PRKN: variants seen among roughly 807,000 people sequenced by gnomAD.
PRKN encodes parkin RBR E3 ubiquitin protein ligase.
In PRKN, 56 loss-of-function variants were observed where a neutral mutation model predicts 59.5. The observed-to-expected ratio is 0.94, with a 90% CI of 0.76 to 1.18. The LOEUF is 1.18. Among genes scored for constraint, PRKN ranks in the 50% most tolerant of loss-of-function variants. The pLI, the probability that PRKN is intolerant of heterozygous loss-of-function variation, is 0.00. For missense variants in PRKN, 657 were observed against 596.4 expected, an observed-to-expected ratio of 1.10 and a Z score of -1.06; for synonymous variants, 250 against 222.1, an observed-to-expected ratio of 1.13 and a Z score of -1.12.
intron 5 of PRKN, among the ~76,000 whole-genome samples, chr6:161,997,501 G>A (rs6455791): frequency 0.52 from 79,295 of 151,714 alleles, 20,908 homozygotes; most frequent in East Asian, 0.6. Flanking sequence ...CTTTTCCCCA[G>A]TCACCTAACT....
chr6:162,699,201 T>C (rs561018459), intron 1 of PRKN, among the ~76,000 whole-genome samples: 1 of 152,318 alleles, frequency 6.6e-6, no homozygotes, highest in Non-Finnish European at 1.5e-5. Flanking sequence ...CTTATGGTGA[T>C]GAGCAAAGTG....
intron 1 of PRKN, among the ~76,000 whole-genome samples, chr6:162,684,494 T>C (rs545275960): frequency 6.6e-6 from 1 of 152,270 alleles, no homozygotes; most frequent in African/African-American, 2.4e-5. Context: ...ACAGCATAAG[T>C]TGAATGACAA....
At chr6:162,214,391 T>C (rs1483782981) in intron 3 of PRKN, among the ~76,000 whole-genome samples, 1 of 152,140 alleles carries the variant, frequency 6.6e-6, no homozygotes, top group Non-Finnish European at 1.5e-5. Context: ...GGTTGGATGG[T>C]TCTCTCTGTG....
chr6:162,574,717 A>G (rs1583834406), intron 1 of PRKN, among the ~76,000 whole-genome samples: 2 of 152,158 alleles, frequency 1.3e-5, no homozygotes, highest in African/African-American at 4.8e-5. Flanking sequence ...TCCTCTATCA[A>G]TAAGACATAT....
intron 1 of PRKN, among the ~76,000 whole-genome samples, chr6:162,479,621 AC>A (rs1238635428): frequency 1.3e-5 from 2 of 152,018 alleles, no homozygotes; most frequent in African/African-American, 4.8e-5. Flanking sequence ...ACTGTCTCCC[AC>A]CTCCACTCAC....
At chr6:162,661,604 GCTCT>G (rs1778884200) in intron 1 of PRKN, among the ~76,000 whole-genome samples, 1 of 152,112 alleles carries the variant, frequency 6.6e-6, no homozygotes, top group African/African-American at 2.4e-5. Flanking sequence ...TCTAAACTCT[GCTCT>G]CTAACACTTG....
intron 2 of PRKN, among the ~76,000 whole-genome samples, chr6:162,352,228 CA>C (rs746510451): frequency 3.0e-4 from 45 of 152,290 alleles, no homozygotes; most frequent in Non-Finnish European, 3.4e-4. Flanking sequence ...CAGGTCATCC[CA>C]CCAGGGGGCC....
intron 1 of PRKN, among the ~76,000 whole-genome samples, chr6:162,616,432 C>T (rs1782419765): frequency 6.6e-6 from 1 of 151,998 alleles, no homozygotes; most frequent in African/African-American, 2.4e-5. Flanking sequence ...ACTGTAATTA[C>T]CCCATTAAAT....
At chr6:162,560,713 T>C (rs903920517) in intron 1 of PRKN, among the ~76,000 whole-genome samples, 3 of 152,074 alleles carry the variant, frequency 2.0e-5, no homozygotes, top group African/African-American at 4.8e-5. Context: ...TTAACAAATT[T>C]GCAAAATGTG....
chr6:161,872,396 C>A (rs1794376618), intron 6 of PRKN, among the ~76,000 whole-genome samples: 1 of 152,136 alleles, frequency 6.6e-6, no homozygotes, highest in African/African-American at 2.4e-5. Context: ...ATGTAGGACA[C>A]TTGTATTGCT....
chr6:162,294,712 G>T (rs1781588528), intron 2 of PRKN, among the ~76,000 whole-genome samples: 1 of 151,262 alleles, frequency 6.6e-6, no homozygotes, highest in Non-Finnish European at 1.5e-5. Context: ...AGAAGATTAA[G>T]AAGAGAATAA....
chr6:161,892,977 G>C (rs1777468759), intron 6 of PRKN, among the ~76,000 whole-genome samples: 1 of 152,092 alleles, frequency 6.6e-6, no homozygotes, highest in African/African-American at 2.4e-5. Context: ...CGAGTAGCTG[G>C]GATAACAGGC....
chr6:162,472,050 A>G (rs753101306), intron 1 of PRKN, among the ~76,000 whole-genome samples: 7 of 152,202 alleles, frequency 4.6e-5, no homozygotes, highest in Non-Finnish European at 1.0e-4. Context: ...CATCAAGTCA[A>G]TGACACTGGG....
chr6:162,236,631 C>CA lies in PRKN; in HGVS notation c.412+25893dup, dbSNP rs59445175. 4.6e-3 allele frequency among the ~76,000 whole-genome samples: 671 copies of CA among 146,966 alleles called. 3 individuals carry two copies. The highest frequency in any genetic ancestry group is 0.01 in the African/African-American group (416 of 39,824). Reference sequence around the variant, plus strand: ...TGAAACTCCATCTCTACTAAAAATACAAAAAAAAAAAAAATTAACTGGGCA... The same window carrying CA: ...TGAAACTCCATCTCTACTAAAAATACAAAAAAAAAAAAAAATTAACTGGGCA... On this transcript the variant is annotated intron_variant, in intron 3 of 11. Transcript: ENST00000366898.
At chr6:162,233,166 T>C (rs1480332863) in intron 3 of PRKN, among the ~76,000 whole-genome samples, 1 of 152,214 alleles carries the variant, frequency 6.6e-6, no homozygotes, top group Non-Finnish European at 1.5e-5. Context: ...CATCTTGTCA[T>C]TTCAATATTA....
At chr6:162,726,952 G>A (rs1584133740) in intron 1 of PRKN, among the ~76,000 whole-genome samples, 1 of 151,888 alleles carries the variant, frequency 6.6e-6, no homozygotes. Context: ...GAACAACTCT[G>A]ATGCCACTAA....
intron 7 of PRKN, among the ~76,000 whole-genome samples, chr6:161,602,576 A>C (rs1782146638): frequency 2.0e-5 from 3 of 152,228 alleles, no homozygotes. Context: ...GAGAAGTGTC[A>C]AGGTTAGAAC....
intron 7 of PRKN, among the ~76,000 whole-genome samples, chr6:161,710,904 C>G (rs1786720781): frequency 8.1e-6 from 1 of 124,216 alleles, no homozygotes; most frequent in Non-Finnish European, 1.6e-5. Flanking sequence ...TTTCCTTCCT[C>G]CTCCCTTTCC....
chr6:162,461,330 C>T (rs1322977951), intron 1 of PRKN, among the ~76,000 whole-genome samples: 1 of 149,742 alleles, frequency 6.7e-6, no homozygotes, highest in Non-Finnish European at 1.5e-5. Context: ...GGCAAAACCC[C>T]ATCTCTACTA....
Sources: gnomAD v4.1 joint callset for allele counts (sites outside exome capture counted in the v4.1 genomes callset) on GRCh38, gnomAD v4.1.1 for gene constraint, MANE v1.5 for transcripts, NCBI Gene and HGNC (gene_info 2026-07-23, HGNC 2026-07-21) for gene names.